NRG1: variants seen among roughly 807,000 people sequenced by gnomAD.
The protein encoded by NRG1 is neuregulin 1.
In NRG1, 18 loss-of-function variants were observed where a neutral mutation model predicts 63.8. The observed-to-expected ratio is 0.28, with a 90% confidence interval of 0.19 to 0.42. The LOEUF is 0.42. Ranked by LOEUF, NRG1 falls within the 10% of genes least tolerant of loss-of-function variation. NRG1 has a pLI of 1.00. For synonymous variants in NRG1, 302 were observed against 301.3 expected, an observed-to-expected ratio of 1.00 and a Z score of -0.02; for missense variants, 762 against 814.7, an observed-to-expected ratio of 0.94 and a Z score of 0.79.
chr8:32,470,119 C>T (rs1587833517), intron 1 of NRG1, among the ~76,000 whole-genome samples: 2 of 150,866 alleles, frequency 1.3e-5, no homozygotes, highest in South Asian at 4.2e-4. Flanking sequence ...GTGATCCGCC[C>T]GCCTCGGCCT....
At chr8:32,372,933 C>T (rs1474951731) in intron 1 of NRG1, among the ~76,000 whole-genome samples, 5 of 152,144 alleles carry the variant, frequency 3.3e-5, no homozygotes, top group Admixed American at 1.3e-4. Context: ...CAGCATGTGT[C>T]GATGCTGGAT....
At chr8:31,955,353 C>T (rs1295609089) in intron 1 of NRG1, among the ~76,000 whole-genome samples, 1 of 152,190 alleles carries the variant, frequency 6.6e-6, no homozygotes, top group Middle Eastern at 3.2e-3. Flanking sequence ...ACATGCAATA[C>T]AGATCCTTTC....
chr8:32,581,982 A>T (rs1266354708), intron 1 of NRG1, among the ~76,000 whole-genome samples: 1 of 151,566 alleles, frequency 6.6e-6, no homozygotes, highest in Non-Finnish European at 1.5e-5. Flanking sequence ...GTAGTCTAAG[A>T]AGTGCCATCT....
chr8:32,542,513 CA>C (rs1421776165), intron 1 of NRG1, among the ~76,000 whole-genome samples: 2 of 152,178 alleles, frequency 1.3e-5, no homozygotes, highest in African/African-American at 4.8e-5. Flanking sequence ...AAAGCTTTTC[CA>C]AGCAACTGAA....
At chr8:32,136,001 A>C (rs1835469052) in intron 1 of NRG1, among the ~76,000 whole-genome samples, 1 of 152,116 alleles carries the variant, frequency 6.6e-6, no homozygotes, top group African/African-American at 2.4e-5. Context: ...GTCATTTAGG[A>C]AGGTGAGGAA....
rs549692006 is a variant in NRG1 at position 31,871,642 on chromosome 8, A to G, written c.37+232211A>G. On this transcript the variant is annotated intron_variant, in intron 1 of 10. Transcript: ENST00000519301. Reference sequence around the variant, plus strand: ...AACTGTGGTTCTTATTTTAAAAACAAAACAAACCAAAAAAACTGCAAGGAA... The same window carrying G: ...AACTGTGGTTCTTATTTTAAAAACAGAACAAACCAAAAAAACTGCAAGGAA... Among the ~76,000 whole-genome samples the G allele has an allele frequency of 1.9e-4, 29 of 152,208 alleles. 1 individual carries two copies. Among genetic ancestry groups the G allele is most frequent in the African/African-American group, 5.5e-4 (23 of 41,518 alleles).
chr8:31,697,488 C>T (rs1380550917), intron 1 of NRG1, among the ~76,000 whole-genome samples: 1 of 152,144 alleles, frequency 6.6e-6, no homozygotes, highest in African/African-American at 2.4e-5. Flanking sequence ...AGTTTCTTCC[C>T]TATGCCATCT....
chr8:32,545,251 G>T (rs7817942), upstream of NRG1, among the ~76,000 whole-genome samples: 29,130 of 147,324 alleles, frequency 0.2, 2,920 homozygotes, highest in Middle Eastern at 0.25. Flanking sequence ...ACACGATTGC[G>T]TTTCTCTTAC....
intron 2 of NRG1, among the ~76,000 whole-genome samples, chr8:32,602,162 A>G (rs1844479891): frequency 6.6e-6 from 1 of 152,164 alleles, no homozygotes; most frequent in Non-Finnish European, 1.5e-5. Context: ...TTCACAGTAC[A>G]GATTTGCAAA....
chr8:31,681,715 T>C (rs1364746390), intron 1 of NRG1, among the ~76,000 whole-genome samples: 1 of 148,966 alleles, frequency 6.7e-6, no homozygotes, highest in Non-Finnish European at 1.5e-5. Flanking sequence ...TTATATATAA[T>C]TATATGCATT....
chr8:32,517,206 T>C (rs1363852016), intron 1 of NRG1, among the ~76,000 whole-genome samples: 2 of 152,184 alleles, frequency 1.3e-5, no homozygotes, highest in Non-Finnish European at 2.9e-5. Context: ...TGTCCTCTTT[T>C]CTTTTTATAA....
chr8:32,309,450 T>C (rs1230810410), intron 1 of NRG1, among the ~76,000 whole-genome samples: 1 of 152,218 alleles, frequency 6.6e-6, no homozygotes, highest in Non-Finnish European at 1.5e-5. Context: ...TTCTTCAGAC[T>C]TCACTGTCTT....
chr8:32,683,537 A>G (rs983439152), intron 5 of NRG1, among the ~76,000 whole-genome samples: 3 of 152,122 alleles, frequency 2.0e-5, no homozygotes, highest in South Asian at 4.1e-4. Context: ...TTCATTCACA[A>G]TGGATATTCA....
intron 1 of NRG1, among the ~76,000 whole-genome samples, chr8:32,503,059 G>C (rs1193165512): frequency 6.6e-6 from 1 of 151,974 alleles, no homozygotes; most frequent in Non-Finnish European, 1.5e-5. Flanking sequence ...GCTGAGATGG[G>C]CGGATCATGA....
At chr8:31,662,586 G>A (rs1331521131) in intron 1 of NRG1, among the ~76,000 whole-genome samples, 3 of 152,146 alleles carry the variant, frequency 2.0e-5, no homozygotes, top group African/African-American at 7.2e-5. Flanking sequence ...CATGTTCCAG[G>A]AACTGTTTGT....
intron 1 of NRG1, among the ~76,000 whole-genome samples, chr8:31,647,665 T>C (rs1378237676): frequency 2.0e-5 from 3 of 152,316 alleles, no homozygotes; most frequent in South Asian, 4.1e-4. Flanking sequence ...GGTGTGCTCA[T>C]TGTCCTGTCA....
intron 1 of NRG1, among the ~76,000 whole-genome samples, chr8:32,304,024 C>T (rs1208048129): frequency 1.3e-5 from 2 of 151,974 alleles, no homozygotes; most frequent in African/African-American, 4.8e-5. Context: ...ATGTTGACTA[C>T]AAAAAAAACT....
intron 1 of NRG1, among the ~76,000 whole-genome samples, chr8:32,218,098 T>C (rs1047954674): frequency 6.6e-6 from 1 of 152,226 alleles, no homozygotes; most frequent in Non-Finnish European, 1.5e-5. Flanking sequence ...TTAAACAAAA[T>C]AGTGGCGATA....
chr8:32,101,866 A>G (rs953519817), intron 1 of NRG1, among the ~76,000 whole-genome samples: 1 of 152,196 alleles, frequency 6.6e-6, no homozygotes, highest in Non-Finnish European at 1.5e-5. Flanking sequence ...ACTAATATGT[A>G]ACTAGACCAG....
Sources: allele counts gnomAD v4.1 joint callset (sites outside exome capture counted in the v4.1 genomes callset), GRCh38; gene constraint gnomAD v4.1.1; transcripts MANE v1.5; gene names NCBI Gene and HGNC (gene_info 2026-07-23, HGNC 2026-07-21).